PTPRZ1: variants seen among roughly 807,000 people sequenced by gnomAD.
PTPRZ1 encodes the protein protein tyrosine phosphatase receptor type Z1, also known as receptor-type tyrosine-protein phosphatase zeta.
Under a neutral mutation model 214.1 loss-of-function variants are expected in PTPRZ1, and 82 were observed. That is an observed-to-expected ratio of 0.38 (90% CI 0.32 to 0.46). PTPRZ1 has a LOEUF of 0.46. Among genes scored for constraint, PTPRZ1 ranks in the 20% least tolerant of loss-of-function variants. The pLI, the probability that PTPRZ1 is intolerant of heterozygous loss-of-function variation, is 1.00. For synonymous variants in PTPRZ1, 945 were observed against 987.9 expected (o/e 0.96, Z 0.81); for missense variants, 2,603 against 2,748.7 (o/e 0.95, Z 1.19).
At chr7:121,930,744 A>C (rs563763189) in intron 2 of PTPRZ1, among the ~76,000 whole-genome samples, 2 of 152,256 alleles carry the variant, frequency 1.3e-5, no homozygotes, top group East Asian at 3.9e-4. Context: ...CTTTTAAAAA[A>C]CTTTATAATT....
chr7:121,975,091 G>T (rs1377651087), intron 4 of PTPRZ1, among the ~76,000 whole-genome samples: 1 of 152,080 alleles, frequency 6.6e-6, no homozygotes, highest in East Asian at 1.9e-4. Context: ...AGAGGCTGAG[G>T]TAGGAGGATC....
chr7:122,037,403 T>C (rs1458760542), intron 18 of PTPRZ1, among the ~76,000 whole-genome samples: 1 of 152,182 alleles, frequency 6.6e-6, no homozygotes, highest in African/African-American at 2.4e-5. Context: ...AAGGCAAACA[T>C]GATTATTAAT....
chr7:121,993,843 A>G (rs553426384), intron 8 of PTPRZ1, among the ~76,000 whole-genome samples: 9 of 152,266 alleles, frequency 5.9e-5, no homozygotes, highest in African/African-American at 2.2e-4. Context: ...ATTCTAAAGT[A>G]TGTATGTTTT....
chr7:121,884,864 T>A (rs905356138), intron 1 of PTPRZ1, among the ~76,000 whole-genome samples: 9 of 152,200 alleles, frequency 5.9e-5, no homozygotes, highest in African/African-American at 1.4e-4. Flanking sequence ...TTCATTTTTT[T>A]AAAAAAGTCT....
At chr7:121,890,356 G>GC (rs1256626084) in intron 1 of PTPRZ1, among the ~76,000 whole-genome samples, 1 of 152,030 alleles carries the variant, frequency 6.6e-6, no homozygotes, top group Non-Finnish European at 1.5e-5. Context: ...CTCTCTTACA[G>GC]CCTACACATA....
At chr7:122,053,771 A>C (rs1792262537) in intron 25 of PTPRZ1, 139 bp from the exon 26 acceptor site, 1 of 1,041,670 alleles carries the variant, frequency 9.6e-7, no homozygotes, top group African/African-American at 1.6e-5. Context: ...ATTGGCTATA[A>C]TAATCATATT....
intron 2 of PTPRZ1, among the ~76,000 whole-genome samples, chr7:121,960,794 T>C (rs897670708): frequency 1.3e-5 from 2 of 152,222 alleles, no homozygotes; most frequent in Non-Finnish European, 2.9e-5. Context: ...TTTTTCTTAG[T>C]TCATATTCTT....
chr7:121,926,416 G>A (rs1325382155), intron 1 of PTPRZ1, among the ~76,000 whole-genome samples: 1 of 152,074 alleles, frequency 6.6e-6, no homozygotes, highest in Non-Finnish European at 1.5e-5. Context: ...TCAAACCAAG[G>A]GGAACTTTCA....
At chr7:121,960,743 T>G (rs967642093) in intron 2 of PTPRZ1, among the ~76,000 whole-genome samples, 10 of 152,202 alleles carry the variant, frequency 6.6e-5, no homozygotes, top group African/African-American at 9.6e-5. Context: ...AAAACCTGCA[T>G]TGGTATTTTT....
At chr7:121,979,990 G>A (rs1055052687) in intron 6 of PTPRZ1, among the ~76,000 whole-genome samples, 1 of 151,392 alleles carries the variant, frequency 6.6e-6, no homozygotes, top group Non-Finnish European at 1.5e-5. Context: ...AGAGGCAGAA[G>A]AATGGATTCC....
intron 1 of PTPRZ1, among the ~76,000 whole-genome samples, chr7:121,893,874 T>C (rs978882713): frequency 5.9e-5 from 9 of 152,298 alleles, no homozygotes; most frequent in African/African-American, 1.9e-4. Context: ...TTCAACTGAA[T>C]ATAATGATAT....
At chr7:122,045,473 G>A (rs1043695394) in intron 23 of PTPRZ1, among the ~76,000 whole-genome samples, 3 of 151,906 alleles carry the variant, frequency 2.0e-5, no homozygotes, top group Admixed American at 1.3e-4. Context: ...ATTACTGCAC[G>A]GTGTGCCTTT....
At chr7:121,945,993 T>A (rs143456659) in intron 2 of PTPRZ1, among the ~76,000 whole-genome samples, 1 of 152,256 alleles carries the variant, frequency 6.6e-6, no homozygotes, top group African/African-American at 2.4e-5. Flanking sequence ...TAAGTGTAAA[T>A]CTCCTTCACT....
intron 14 of PTPRZ1, among the ~76,000 whole-genome samples, chr7:122,030,032 G>A (rs1236116781): frequency 1.3e-5 from 2 of 151,800 alleles, no homozygotes; most frequent in African/African-American, 4.8e-5. Context: ...TACCCCATCA[G>A]CATGGGTATG....
chr7:122,009,670 T>C (rs1237312160), intron 11 of PTPRZ1, among the ~76,000 whole-genome samples: 4 of 151,982 alleles, frequency 2.6e-5, no homozygotes, highest in Non-Finnish European at 5.9e-5. Context: ...GCATGGAAGA[T>C]TCAGCCTCCT....
intron 2 of PTPRZ1, among the ~76,000 whole-genome samples, chr7:121,937,569 A>T (rs900223194): frequency 6.6e-6 from 1 of 152,170 alleles, no homozygotes; most frequent in Non-Finnish European, 1.5e-5. Context: ...GAAGAGGAAG[A>T]TGCTGGGGGT....
At chr7:122,008,320 T>G (rs1798552700) in intron 11 of PTPRZ1, among the ~76,000 whole-genome samples, 1 of 151,824 alleles carries the variant, frequency 6.6e-6, no homozygotes, top group Non-Finnish European at 1.5e-5. Context: ...GAATTAGAGG[T>G]TTTCCTTTGT....
intron 12 of PTPRZ1, 91 bp from the exon 13 acceptor site, chr7:122,019,033 C>A: frequency 1.6e-6 from 2 of 1,221,974 alleles, no homozygotes; most frequent in Non-Finnish European, 2.3e-6. Context: ...AGGTAAGTAA[C>A]AGCAATGAAG....
intron 4 of PTPRZ1, among the ~76,000 whole-genome samples, chr7:121,975,017 T>A (rs1344392275): frequency 6.6e-6 from 1 of 152,038 alleles, no homozygotes; most frequent in Non-Finnish European, 1.5e-5. Flanking sequence ...GAGATCCCAT[T>A]TCTACAAAAA....
Sources: allele counts gnomAD v4.1 joint callset (sites outside exome capture counted in the v4.1 genomes callset), GRCh38; gene constraint gnomAD v4.1.1; transcripts MANE v1.5; gene names NCBI Gene and HGNC (gene_info 2026-07-23, HGNC 2026-07-21).